The following SLC4A4 variants were observed in gnomAD, a reference collection of about 807,000 sequenced individuals.
SLC4A4 encodes electrogenic sodium bicarbonate cotransporter 1.
A neutral mutation model predicts 111.5 loss-of-function variants in SLC4A4; 27 were observed. The observed-to-expected ratio is 0.24, with a 90% CI of 0.18 to 0.33. SLC4A4 has a LOEUF of 0.33. Ranked by LOEUF, SLC4A4 falls within the 10% of genes least tolerant of loss-of-function variation. The probability of loss-of-function intolerance (pLI) is 1.00; values close to 1 mark genes in which losing one functional copy is unlikely to be tolerated. For missense variants in SLC4A4, 909 were observed against 1,315.5 expected (o/e 0.69, Z 4.78); for synonymous variants, 443 against 463.4 (o/e 0.96, Z 0.57).
intron 7 of SLC4A4, chr4:71,437,732 C>T (rs1724288720): frequency 6.3e-6 from 2 of 315,336 alleles, no homozygotes; most frequent in Admixed American, 3.4e-5. Flanking sequence ...TGAGCGGCCC[C>T]CTCCAAAGTG....
intron 1 of SLC4A4, among the ~76,000 whole-genome samples, chr4:71,215,370 CT>C (rs558931873): frequency 2.0e-5 from 3 of 152,196 alleles, no homozygotes; most frequent in Non-Finnish European, 4.4e-5. Flanking sequence ...CATAATAGCA[CT>C]CATTTCAAAT....
chr4:71,529,963 A>G (rs541591312), intron 16 of SLC4A4, among the ~76,000 whole-genome samples: 3 of 152,088 alleles, frequency 2.0e-5, no homozygotes, highest in Non-Finnish European at 4.4e-5. Flanking sequence ...GAACTGCTTC[A>G]TAGGACCATC....
chr4:71,304,036 C>T (rs987326124), intron 3 of SLC4A4, among the ~76,000 whole-genome samples: 5 of 152,118 alleles, frequency 3.3e-5, no homozygotes, highest in Non-Finnish European at 7.3e-5. Flanking sequence ...AAACTTTGGC[C>T]TGATTCATAG....
chr4:71,427,541 C>G (rs1723256776), intron 7 of SLC4A4, among the ~76,000 whole-genome samples: 1 of 151,972 alleles, frequency 6.6e-6, no homozygotes, highest in Non-Finnish European at 1.5e-5. Context: ...AAGGTTATTT[C>G]TAATTTCTGT....
At chr4:71,563,940 C>T (rs979761405) in intron 24 of SLC4A4, 51 bp downstream of exon 24, 2 of 1,190,220 alleles carry the variant, frequency 1.7e-6, no homozygotes, top group South Asian at 2.4e-5. Context: ...TTTGCACTTA[C>T]AGAGAAAACA....
intron 7 of SLC4A4, among the ~76,000 whole-genome samples, chr4:71,408,300 A>T (rs1172964348): frequency 1.3e-5 from 2 of 152,216 alleles, no homozygotes; most frequent in East Asian, 1.9e-4. Flanking sequence ...TTTCTGATTC[A>T]TAATAGAGAT....
At chr4:71,305,269 G>A (rs1387902168) in intron 3 of SLC4A4, among the ~76,000 whole-genome samples, 1 of 152,246 alleles carries the variant, frequency 6.6e-6, no homozygotes, top group Non-Finnish European at 1.5e-5. Context: ...TTAAGTTCCA[G>A]TTCTGTCTCT....
At chr4:71,422,541 G>C (rs1430460643) in intron 7 of SLC4A4, among the ~76,000 whole-genome samples, 2 of 152,104 alleles carry the variant, frequency 1.3e-5, no homozygotes, top group African/African-American at 4.8e-5. Context: ...CCAAAAAAGA[G>C]AATTTTAGAC....
intron 7 of SLC4A4, among the ~76,000 whole-genome samples, chr4:71,403,195 A>G (rs918373534): frequency 6.6e-6 from 1 of 152,308 alleles, no homozygotes; most frequent in Admixed American, 6.5e-5. Flanking sequence ...ATTTTAGGAA[A>G]AAAGGAGCCT....
rs142072871 is a variant in SLC4A4 at position 71,345,088 on chromosome 4, A to G, written c.390-4824A>G. Reference sequence around the variant, plus strand: ...CCTTTCCTAAAAGTTAGAACTTTGAATTTTCAGTGGTTCTTCCAAAATAGA... The same window carrying G: ...CCTTTCCTAAAAGTTAGAACTTTGAGTTTTCAGTGGTTCTTCCAAAATAGA... On this transcript the variant is annotated intron_variant, in intron 4 of 25. Coordinates refer to ENST00000264485, the MANE Select transcript of SLC4A4 (RefSeq NM_001098484.3). Among the ~76,000 whole-genome samples, 287 of 152,150 alleles carry G rather than the reference A, an allele frequency of 1.9e-3. 1 individual carries two copies. Among genetic ancestry groups the G allele is most frequent in the African/African-American group, 6.4e-3 (267 of 41,528 alleles).
At chr4:71,550,119 A>G (rs550602965) in intron 20 of SLC4A4, among the ~76,000 whole-genome samples, 1 of 151,950 alleles carries the variant, frequency 6.6e-6, no homozygotes, top group Non-Finnish European at 1.5e-5. Flanking sequence ...TGAAAAATGC[A>G]GTCCAGCAAA....
At chr4:71,446,302 TA>T (rs1725223404) in intron 8 of SLC4A4, among the ~76,000 whole-genome samples, 1 of 152,122 alleles carries the variant, frequency 6.6e-6, no homozygotes, top group African/African-American at 2.4e-5. Context: ...AAGTTAAAAA[TA>T]AAATTCTGCT....
intron 6 of SLC4A4, among the ~76,000 whole-genome samples, chr4:71,396,534 C>A (rs1211957781): frequency 6.6e-6 from 1 of 152,164 alleles, no homozygotes; most frequent in Non-Finnish European, 1.5e-5. Flanking sequence ...TGTCCTCTTG[C>A]TGTAAAGAGC....
At chr4:71,562,614 C>A (rs553656061) in intron 23 of SLC4A4, among the ~76,000 whole-genome samples, 1 of 151,392 alleles carries the variant, frequency 6.6e-6, no homozygotes, top group Admixed American at 6.6e-5. Context: ...GTAAATATTT[C>A]TCCATCCCTT....
chr4:71,419,805 G>A (rs1722233699), intron 7 of SLC4A4, among the ~76,000 whole-genome samples: 1 of 152,152 alleles, frequency 6.6e-6, no homozygotes, highest in Non-Finnish European at 1.5e-5. Flanking sequence ...GCTGGGAGCT[G>A]TAGACCGGAG....
chr4:71,204,962 C>A (rs1425422092), intron 1 of SLC4A4, among the ~76,000 whole-genome samples: 1 of 152,192 alleles, frequency 6.6e-6, no homozygotes, highest in Non-Finnish European at 1.5e-5. Flanking sequence ...TACATCTTAA[C>A]ACTGGATTTA....
intron 1 of SLC4A4, among the ~76,000 whole-genome samples, chr4:71,083,781 G>A (rs1053838900): frequency 2.8e-5 from 3 of 107,808 alleles, no homozygotes; most frequent in African/African-American, 3.8e-5. Flanking sequence ...TTTAATCCCC[G>A]CCCCCCGCCC....
Position 71,376,121 on chromosome 4 carries a change from A to G in SLC4A4, c.730+18934A>G, listed in dbSNP as rs948598073. Among the ~76,000 whole-genome samples the G allele has an allele frequency of 4.1e-5, 6 of 146,914 alleles. No individual in the cohort carries two copies. The East Asian group carries it at 6.0e-4, about 15-fold the overall frequency. On this transcript the variant is annotated intron_variant, in intron 6 of 25. Transcript: ENST00000264485. ...TGTGTATATATATATACGTTTGTGT[A>G]TATATATATACATACACATATATAC... is the stretch of plus-strand genomic sequence containing the variant.
At chr4:71,138,902 G>A (rs1221750639) in intron 2 of SLC4A4, among the ~76,000 whole-genome samples, 1 of 152,034 alleles carries the variant, frequency 6.6e-6, no homozygotes, top group African/African-American at 2.4e-5. Flanking sequence ...CAGGCGTGGT[G>A]GTGGGCGCCT....
Sources: gnomAD v4.1 joint callset for allele counts (sites outside exome capture counted in the v4.1 genomes callset) on GRCh38, gnomAD v4.1.1 for gene constraint, MANE v1.5 for transcripts, NCBI Gene and HGNC (gene_info 2026-07-23, HGNC 2026-07-21) for gene names.